Variants in PCDHGA7 observed in about 807,000 individuals in gnomAD.
PCDHGA7 encodes protocadherin gamma subfamily A, 7.
PCDHGA7 carries 44 observed loss-of-function variants against 58.3 expected under a neutral mutation model. The ratio of observed to expected loss-of-function variants is 0.75; its 90% CI spans 0.59 to 0.97. PCDHGA7 has a LOEUF of 0.97. Ranked by LOEUF, PCDHGA7 falls within the 50% of genes least tolerant of loss-of-function variation. The pLI, the probability that PCDHGA7 is intolerant of heterozygous loss-of-function variation, is 0.00. For missense variants in PCDHGA7, 1,266 were observed against 1,188.7 expected (o/e 1.06, Z -0.96); for synonymous variants, 516 against 504.2 (o/e 1.02, Z -0.31).
chr5:141,488,846 C>T (rs1359759383), intron 1 of PCDHGA7, among the ~76,000 whole-genome samples: 1 of 152,174 alleles, frequency 6.6e-6, no homozygotes, highest in African/African-American at 2.4e-5. Flanking sequence ...GCTGAATCAA[C>T]CTGCAGCACG....
chr5:141,419,746 G>A (rs1561783927), intron 1 of PCDHGA7: 2 of 1,613,896 alleles, frequency 1.2e-6, no homozygotes, highest in Admixed American at 1.7e-5. Context: ...TGCGCATGGT[G>A]CGTGCTTTGG....
intron 1 of PCDHGA7, chr5:141,419,776 C>T (rs965350189): frequency 1.2e-6 from 2 of 1,614,026 alleles, no homozygotes; most frequent in Admixed American, 1.7e-5. Context: ...ACTCGGTCCG[C>T]CAGCGCCTGC....
intron 1 of PCDHGA7, among the ~76,000 whole-genome samples, chr5:141,482,799 C>T (rs933003208): frequency 6.6e-6 from 1 of 152,086 alleles, no homozygotes; most frequent in Non-Finnish European, 1.5e-5. Flanking sequence ...TGGCCGGGTA[C>T]GGTGGCTCAT....
At chr5:141,484,347 T>C (rs569724902) in intron 1 of PCDHGA7, among the ~76,000 whole-genome samples, 2 of 152,302 alleles carry the variant, frequency 1.3e-5, no homozygotes, top group East Asian at 1.9e-4. Flanking sequence ...AATGGTAATT[T>C]AGTGTATCTA....
chr5:141,389,750 C>A (rs751642051), intron 1 of PCDHGA7: 4 of 1,612,642 alleles, frequency 2.5e-6, no homozygotes, highest in African/African-American at 2.7e-5. Context: ...TGCGCACGGG[C>A]GAAGTGCGCA....
chr5:141,482,205 C>A (rs1478729653), intron 1 of PCDHGA7, among the ~76,000 whole-genome samples: 1 of 151,896 alleles, frequency 6.6e-6, no homozygotes, highest in Non-Finnish European at 1.5e-5. Context: ...TAAAACAGAC[C>A]AGGTACTTGT....
chr5:141,395,034 G>C, intron 1 of PCDHGA7: 1 of 1,614,150 alleles, frequency 6.2e-7, no homozygotes, highest in South Asian at 1.1e-5. Flanking sequence ...CTCACATTTT[G>C]TGGGTGTTGA....
chr5:141,396,595 G>C (rs1227428439), intron 1 of PCDHGA7: 1 of 151,972 alleles, frequency 6.6e-6, no homozygotes, highest in African/African-American at 2.4e-5. Flanking sequence ...ACTCCAGCCT[G>C]GGCAACAGGG....
rs542176226 is a variant in PCDHGA7 at position 141,384,582 on chromosome 5, G to A, written c.1683G>A (p.Glu561=). The part of the protein sequence containing the change: ...FVLDQNDNPP[E]ILYPALPTDG... The stretch of plus-strand genomic sequence containing the variant: ...TGGACCAGAATGACAACCCGCCCGA[G>A]ATCCTGTACCCGGCCCTCCCCACAG... The change falls in exon 1 of 4, where the codon GAG becomes GAA. Residue 561 remains glutamate (E), a synonymous_variant. Coordinates refer to ENST00000518325, the MANE Select transcript of PCDHGA7 (RefSeq NM_018920.4). 5 of 1,614,230 alleles carry A rather than the reference G, an allele frequency of 3.1e-6. No individual in the cohort carries two copies. Among genetic ancestry groups the A allele is most frequent in the Non-Finnish European group, 4.2e-6 (5 of 1,180,046 alleles).
chr5:141,388,525 C>T (rs780990884), intron 1 of PCDHGA7: 2 of 1,613,854 alleles, frequency 1.2e-6, no homozygotes, highest in Non-Finnish European at 8.5e-7. Flanking sequence ...ACTTTGACTG[C>T]CTTGGACTTT....
At chr5:141,403,066 G>A in intron 1 of PCDHGA7, 1 of 1,614,076 alleles carries the variant, frequency 6.2e-7, no homozygotes, top group East Asian at 2.2e-5. Flanking sequence ...TGCCTGAAGA[G>A]ACAGAAAAGG....
chr5:141,484,763 T>C (rs2099600495), intron 1 of PCDHGA7, among the ~76,000 whole-genome samples: 1 of 151,872 alleles, frequency 6.6e-6, no homozygotes, highest in East Asian at 1.9e-4. Flanking sequence ...TATATATATA[T>C]ATGTTGTCTG....
At chr5:141,423,049 C>T (rs1418805817) in intron 1 of PCDHGA7, 3 of 1,614,094 alleles carry the variant, frequency 1.9e-6, no homozygotes, top group East Asian at 2.2e-5. Flanking sequence ...GCTGTCCTAT[C>T]GCCTGCTTAA....
chr5:141,509,513 T>C (rs2099877131), intron 3 of PCDHGA7, among the ~76,000 whole-genome samples: 2 of 152,068 alleles, frequency 1.3e-5, no homozygotes, highest in Non-Finnish European at 2.9e-5. Flanking sequence ...ACGGTGTTGA[T>C]GATGTATTGC....
At chr5:141,394,060 C>A (rs1437765710) in intron 1 of PCDHGA7, 9 of 1,613,662 alleles carry the variant, frequency 5.6e-6, no homozygotes, top group African/African-American at 4.0e-5. Context: ...GAAAATGTCT[C>A]TATCTACAAT....
intron 3 of PCDHGA7, among the ~76,000 whole-genome samples, chr5:141,505,973 G>A (rs1207489923): frequency 6.6e-6 from 1 of 152,166 alleles, no homozygotes; most frequent in Non-Finnish European, 1.5e-5. Context: ...ATCCCCAGCC[G>A]AGAGAACACC....
chr5:141,481,502 T>G (rs1425241526), intron 1 of PCDHGA7, among the ~76,000 whole-genome samples: 1 of 152,232 alleles, frequency 6.6e-6, no homozygotes, highest in Non-Finnish European at 1.5e-5. Context: ...TTGCATGGTA[T>G]GTGAATTATG....
chr5:141,455,725 C>T (rs1001661569), intron 1 of PCDHGA7, among the ~76,000 whole-genome samples: 4 of 152,136 alleles, frequency 2.6e-5, no homozygotes, highest in South Asian at 2.1e-4. Context: ...TAATGGCCTG[C>T]ATTTGCATAT....
At position 141,477,368 on chromosome 5, in the gene PCDHGA7, G is replaced by A; in HGVS notation, c.2425-17439G>A. Reference sequence around the variant, plus strand: ...GAAAACCAGTGCAGACCTGGATCGGGAGACTGTGCCAGAATACAACCTCAG... The same window carrying A: ...GAAAACCAGTGCAGACCTGGATCGGAAGACTGTGCCAGAATACAACCTCAG... On this transcript the variant is annotated intron_variant, in intron 1 of 3. Coordinates refer to ENST00000518325, the MANE Select transcript of PCDHGA7 (RefSeq NM_018920.4). The surrounding 1 kb of genome is among the most constrained non-coding windows in gnomAD (Gnocchi z 4.9). 6.2e-7 allele frequency: 1 copy of A among 1,614,132 alleles called. No individual in the cohort carries two copies. Among genetic ancestry groups the A allele is most frequent in the Non-Finnish European group, 8.5e-7 (1 of 1,180,024 alleles).
Sources: gnomAD v4.1 joint callset for allele counts (sites outside exome capture counted in the v4.1 genomes callset) on GRCh38, gnomAD v4.1.1 for gene constraint, Gnocchi (gnomAD v3.1) non-coding constraint, MANE v1.5 for transcripts, NCBI Gene and HGNC (gene_info 2026-07-23, HGNC 2026-07-21) for gene names.